The following SEMA5A variants were observed in gnomAD, a reference collection of about 807,000 sequenced individuals.
The protein encoded by SEMA5A is semaphorin 5A.
In SEMA5A, 55 loss-of-function variants were observed where a neutral mutation model predicts 135.5. The ratio of observed to expected loss-of-function variants is 0.41; its 90% confidence interval spans 0.33 to 0.51. The LOEUF is 0.51. Among genes scored for constraint, SEMA5A ranks in the 20% least tolerant of loss-of-function variants. The probability of loss-of-function intolerance (pLI) is 0.37; values close to 1 mark genes in which losing one functional copy is unlikely to be tolerated. For missense variants in SEMA5A, 1,290 were observed against 1,419.9 expected (o/e 0.91, Z 1.47); for synonymous variants, 580 against 546.5 (o/e 1.06, Z -0.85).
intron 11 of SEMA5A, among the ~76,000 whole-genome samples, chr5:9,182,151 C>CAT (rs1344654601): frequency 8.0e-6 from 1 of 125,660 alleles, no homozygotes; most frequent in African/African-American, 3.3e-5. Context: ...TTGCTTCTGC[C>CAT]CCCCACCCCA....
At chr5:9,456,773 C>G (rs1447330131) in intron 1 of SEMA5A, among the ~76,000 whole-genome samples, 1 of 152,182 alleles carries the variant, frequency 6.6e-6, no homozygotes, top group Non-Finnish European at 1.5e-5. Context: ...CTTCAAGAAG[C>G]ACTGGCTCTC....
At chr5:9,107,610 T>C (rs1367144246) in intron 16 of SEMA5A, among the ~76,000 whole-genome samples, 1 of 152,210 alleles carries the variant, frequency 6.6e-6, no homozygotes, top group African/African-American at 2.4e-5. Context: ...CTGGGACAGT[T>C]TATCCCATAT....
At chr5:9,077,095 G>C (rs375257058) in intron 16 of SEMA5A, among the ~76,000 whole-genome samples, 3 of 152,212 alleles carry the variant, frequency 2.0e-5, no homozygotes, top group South Asian at 2.1e-4. Flanking sequence ...TGGCTTCCAG[G>C]ACTGTTTCTT....
chr5:9,095,403 A>C (rs1478236096), intron 16 of SEMA5A, among the ~76,000 whole-genome samples: 1 of 152,258 alleles, frequency 6.6e-6, no homozygotes, highest in Non-Finnish European at 1.5e-5. Flanking sequence ...TCATAAAAAA[A>C]TTAAAAATAA....
intron 2 of SEMA5A, among the ~76,000 whole-genome samples, chr5:9,400,545 C>T (rs1476476668): frequency 4.8e-5 from 2 of 41,494 alleles, no homozygotes; most frequent in Non-Finnish European, 8.1e-5. Flanking sequence ...CTCGCTCTGT[C>T]GCCCAGGCTG....
chr5:9,397,492 G>T (rs553761217), intron 2 of SEMA5A, among the ~76,000 whole-genome samples: 2 of 152,270 alleles, frequency 1.3e-5, no homozygotes, highest in Admixed American at 1.3e-4. Context: ...TCCACTGCAA[G>T]TACTCAATAA....
chr5:9,338,483 C>T (rs538611453), intron 3 of SEMA5A, among the ~76,000 whole-genome samples: 9 of 151,972 alleles, frequency 5.9e-5, no homozygotes, highest in African/African-American at 9.7e-5. Context: ...GCCCAGAGTC[C>T]GATAATTATA....
intron 2 of SEMA5A, among the ~76,000 whole-genome samples, chr5:9,386,524 G>C (rs17196670): frequency 0.028 from 4,311 of 152,238 alleles, 73 homozygotes; most frequent in Middle Eastern, 0.092. Flanking sequence ...AGTCACATCT[G>C]CACCCTTGCT....
chr5:9,466,058 C>T (rs552496010), intron 1 of SEMA5A, among the ~76,000 whole-genome samples: 8 of 152,228 alleles, frequency 5.3e-5, no homozygotes, highest in African/African-American at 1.9e-4. Flanking sequence ...ACATTTCTTT[C>T]TCTCGAGGGT....
chr5:9,541,130 CT>C (rs1228401705), intron 1 of SEMA5A, among the ~76,000 whole-genome samples: 1 of 152,112 alleles, frequency 6.6e-6, no homozygotes, highest in Non-Finnish European at 1.5e-5. Flanking sequence ...ACGATTTGTC[CT>C]TGTGTTATCC....
At chr5:9,046,780 T>TCCCCC (rs1736282619) in intron 21 of SEMA5A, among the ~76,000 whole-genome samples, 3 of 152,288 alleles carry the variant, frequency 2.0e-5, no homozygotes, top group South Asian at 4.1e-4. Flanking sequence ...GATCTGCCCC[T>TCCCCC]TCGGGTGCAT....
chr5:9,137,593 A>T (rs2015969969), intron 12 of SEMA5A, among the ~76,000 whole-genome samples: 1 of 152,178 alleles, frequency 6.6e-6, no homozygotes, highest in Non-Finnish European at 1.5e-5. Flanking sequence ...CAGGAAGCAG[A>T]TGTGAGGAAA....
chr5:9,272,823 C>G (rs1458831827), intron 5 of SEMA5A, among the ~76,000 whole-genome samples: 1 of 152,126 alleles, frequency 6.6e-6, no homozygotes, highest in Non-Finnish European at 1.5e-5. Context: ...CAACATCAAC[C>G]AAAAGGATGC....
chr5:9,483,288 T>C (rs1759946071), intron 1 of SEMA5A, among the ~76,000 whole-genome samples: 1 of 152,142 alleles, frequency 6.6e-6, no homozygotes, highest in African/African-American at 2.4e-5. Context: ...TTCTTTCCCC[T>C]TACCCCCTCT....
intron 16 of SEMA5A, among the ~76,000 whole-genome samples, chr5:9,094,860 C>A (rs549431151): frequency 2.1e-3 from 327 of 152,164 alleles, no homozygotes; most frequent in Non-Finnish European, 3.7e-3. Context: ...TGCAGCACGG[C>A]TTATAAAATA....
At chr5:9,279,033 G>A (rs1750409409) in intron 5 of SEMA5A, among the ~76,000 whole-genome samples, 2 of 152,156 alleles carry the variant, frequency 1.3e-5, no homozygotes, top group South Asian at 2.1e-4. Flanking sequence ...CCTCCAGACC[G>A]TAGAATTATA....
chr5:9,324,230 G>C (rs1303912780), intron 4 of SEMA5A, among the ~76,000 whole-genome samples: 2 of 151,860 alleles, frequency 1.3e-5, no homozygotes, highest in African/African-American at 4.8e-5. Flanking sequence ...CACCACACCT[G>C]GCTAATTTTT....
intron 16 of SEMA5A, among the ~76,000 whole-genome samples, chr5:9,071,178 T>G (rs1404219059): frequency 6.6e-6 from 1 of 152,204 alleles, no homozygotes; most frequent in Non-Finnish European, 1.5e-5. Flanking sequence ...TGTATTCCAG[T>G]CAACAGTGAT....
At chr5:9,345,696 G>T (rs1753833934) in intron 3 of SEMA5A, among the ~76,000 whole-genome samples, 1 of 152,102 alleles carries the variant, frequency 6.6e-6, no homozygotes. Context: ...AAACTACCCA[G>T]TATAAGAACA....
Sources: gnomAD v4.1 joint callset for allele counts (sites outside exome capture counted in the v4.1 genomes callset) on GRCh38, gnomAD v4.1.1 for gene constraint, MANE v1.5 for transcripts, NCBI Gene and HGNC (gene_info 2026-07-23, HGNC 2026-07-21) for gene names.